Variants in MACROD2 observed in about 807,000 individuals in gnomAD.
The protein encoded by MACROD2 is ADP-ribose glycohydrolase MACROD2.
Under a neutral mutation model 70.4 loss-of-function variants are expected in MACROD2, and 36 were observed. The observed-to-expected ratio is 0.51, with a 90% CI of 0.39 to 0.68. The LOEUF is 0.68. MACROD2 is among the 30% of genes least tolerant of loss of function. MACROD2 has a pLI of 0.00. For synonymous variants in MACROD2, 172 were observed against 178.8 expected (o/e 0.96, Z 0.30); for missense variants, 496 against 538.4 (o/e 0.92, Z 0.78).
At chr20:15,174,848 G>T in intron 5 of MACROD2, among the ~76,000 whole-genome samples, 1 of 151,968 alleles carries the variant, frequency 6.6e-6, no homozygotes, top group Non-Finnish European at 1.5e-5. Flanking sequence ...TTTTTGATGG[G>T]GTTGTTTGTT....
At chr20:14,098,191 G>C (rs2054253760) in intron 3 of MACROD2, among the ~76,000 whole-genome samples, 1 of 152,164 alleles carries the variant, frequency 6.6e-6, no homozygotes, top group Non-Finnish European at 1.5e-5. Flanking sequence ...AATGTTACAA[G>C]GTAATTATGG....
At chr20:15,531,361 TTTA>T (rs1370300130) in intron 8 of MACROD2, among the ~76,000 whole-genome samples, 1 of 151,926 alleles carries the variant, frequency 6.6e-6, no homozygotes, top group African/African-American at 2.4e-5. Context: ...TAATTTTCTC[TTTA>T]TTAATATTTT....
chr20:14,757,527 A>T, intron 5 of MACROD2: 2 of 699,038 alleles, frequency 2.9e-6, no homozygotes, highest in South Asian at 3.5e-5. Context: ...AAAAGACTGT[A>T]TCTAGGCCCT....
chr20:14,775,147 A>G (rs2072217485), intron 5 of MACROD2, among the ~76,000 whole-genome samples: 1 of 152,120 alleles, frequency 6.6e-6, no homozygotes, highest in East Asian at 1.9e-4. Flanking sequence ...GAACATACCC[A>G]ATGGCAGAGA....
chr20:14,140,820 C>G (rs1000683594), intron 3 of MACROD2, among the ~76,000 whole-genome samples: 3 of 152,016 alleles, frequency 2.0e-5, no homozygotes, highest in Admixed American at 2.0e-4. Flanking sequence ...TGGTATCGGC[C>G]GAGAGAGAGG....
At chr20:15,268,308 A>G (rs1011375249) in intron 6 of MACROD2, among the ~76,000 whole-genome samples, 1 of 152,216 alleles carries the variant, frequency 6.6e-6, no homozygotes, top group Non-Finnish European at 1.5e-5. Context: ...GTTGATACCC[A>G]AGAAGCATCA....
intron 3 of MACROD2, among the ~76,000 whole-genome samples, chr20:14,460,793 C>T (rs541794936): frequency 6.6e-6 from 1 of 152,124 alleles, no homozygotes; most frequent in South Asian, 2.1e-4. Flanking sequence ...GGTGGATAAG[C>T]TTTTTGATGT....
intron 6 of MACROD2, among the ~76,000 whole-genome samples, chr20:15,285,533 T>G (rs1175796142): frequency 2.0e-5 from 3 of 152,174 alleles, no homozygotes; most frequent in African/African-American, 7.2e-5. Context: ...AAAATCGTAC[T>G]TCAATATGAA....
In MACROD2 at chr20:14,112,258, C is replaced by T. The variant is rs115846878; in HGVS notation, c.271+26530C>T. On this transcript the variant is annotated intron_variant, in intron 3 of 17. Coordinates refer to ENST00000684519, the MANE Select transcript of MACROD2 (RefSeq NM_001351661.2). ...AGGGTAAGTGGGGATGGTTAATGGG[C>T]ACAAAAAATAGTTCAAAAGAATGAA... Among the ~76,000 whole-genome samples, 1,174 of 151,628 alleles carry T rather than the reference C, an allele frequency of 7.7e-3. 17 individuals carry two copies. Among genetic ancestry groups the T allele is most frequent in the African/African-American group, 0.026 (1,083 of 41,432 alleles).
chr20:15,162,305 G>A (rs1457358566), intron 5 of MACROD2, among the ~76,000 whole-genome samples: 1 of 152,046 alleles, frequency 6.6e-6, no homozygotes, highest in African/African-American at 2.4e-5. Context: ...AAGGCATTGT[G>A]AAAATTAATA....
chr20:15,613,916 G>A (rs2049003244), intron 8 of MACROD2, among the ~76,000 whole-genome samples: 2 of 152,216 alleles, frequency 1.3e-5, no homozygotes, highest in South Asian at 4.1e-4. Flanking sequence ...CTGCTGTCAT[G>A]GCTCAATAGA....
chr20:15,201,606 T>A (rs1453158817), intron 5 of MACROD2, among the ~76,000 whole-genome samples: 1 of 152,210 alleles, frequency 6.6e-6, no homozygotes, highest in Non-Finnish European at 1.5e-5. Context: ...TAGTTGTTTC[T>A]CCTAGGAAAC....
At chr20:15,639,656 C>G (rs1959013808) in intron 8 of MACROD2, among the ~76,000 whole-genome samples, 1 of 152,200 alleles carries the variant, frequency 6.6e-6, no homozygotes, top group Non-Finnish European at 1.5e-5. Context: ...AAGTATCTCT[C>G]CATCACCAAT....
At chr20:15,651,642 C>T (rs542890604) in intron 8 of MACROD2, among the ~76,000 whole-genome samples, 1 of 152,126 alleles carries the variant, frequency 6.6e-6, no homozygotes, top group Admixed American at 6.5e-5. Context: ...AGTGACTCCG[C>T]TTTCAATCCA....
At chr20:14,451,310 G>T (rs777380816) in intron 3 of MACROD2, among the ~76,000 whole-genome samples, 2 of 152,096 alleles carry the variant, frequency 1.3e-5, no homozygotes, top group South Asian at 4.1e-4. Flanking sequence ...TTAGCCGGGC[G>T]TGGTGGCACA....
intron 3 of MACROD2, among the ~76,000 whole-genome samples, chr20:14,363,681 C>T (rs2083244785): frequency 1.3e-5 from 1 of 77,780 alleles, no homozygotes; most frequent in African/African-American, 3.8e-5. Context: ...ATTAGCCGGG[C>T]GCGGTGGCGC....
intron 6 of MACROD2, among the ~76,000 whole-genome samples, chr20:15,375,270 C>T (rs1422793099): frequency 6.6e-6 from 1 of 152,066 alleles, no homozygotes; most frequent in Non-Finnish European, 1.5e-5. Flanking sequence ...TAGATAAACT[C>T]GTGAGATACC....
chr20:15,537,401 T>C (rs1032746064), intron 8 of MACROD2, among the ~76,000 whole-genome samples: 5 of 151,258 alleles, frequency 3.3e-5, no homozygotes, highest in Non-Finnish European at 7.4e-5. Context: ...TTTCCACTCA[T>C]CATTTTGCAC....
chr20:14,617,034 C>T (rs1323245092), intron 4 of MACROD2, among the ~76,000 whole-genome samples: 1 of 152,050 alleles, frequency 6.6e-6, no homozygotes, highest in East Asian at 1.9e-4. Flanking sequence ...TTACAGTCCC[C>T]AAATATTTCT....
Sources: allele counts gnomAD v4.1 joint callset (sites outside exome capture counted in the v4.1 genomes callset), GRCh38; gene constraint gnomAD v4.1.1; transcripts MANE v1.5; gene names NCBI Gene and HGNC (gene_info 2026-07-23, HGNC 2026-07-21).